JAKMIP3: variants seen among roughly 807,000 people sequenced by gnomAD.
JAKMIP3 encodes the protein Janus kinase and microtubule interacting protein 3.
A neutral mutation model predicts 118.5 loss-of-function variants in JAKMIP3; 58 were observed. The ratio of observed to expected loss-of-function variants is 0.49; its 90% confidence interval spans 0.40 to 0.61. The LOEUF (loss-of-function observed/expected upper bound fraction) is 0.61, where lower values mean the gene tolerates loss of function less well. Among genes scored for constraint, JAKMIP3 ranks in the 20% least tolerant of loss-of-function variants. JAKMIP3 has a pLI of 0.00. For synonymous variants in JAKMIP3, 486 were observed against 451.2 expected (o/e 1.08, Z -0.98); for missense variants, 950 against 1,109.0 (o/e 0.86, Z 2.04).
intron 3 of JAKMIP3, among the ~76,000 whole-genome samples, chr10:132,132,822 G>T (rs11146203): frequency 0.19 from 28,478 of 152,220 alleles, 2,818 homozygotes; most frequent in East Asian, 0.35. Flanking sequence ...GGTAGCACTG[G>T]CTTTCAGGCC....
At chr10:132,157,050 G>C (rs145489706) in intron 19 of JAKMIP3, among the ~76,000 whole-genome samples, 14 of 152,188 alleles carry the variant, frequency 9.2e-5, no homozygotes, top group African/African-American at 3.4e-4. Flanking sequence ...CTTTGCAAAA[G>C]CGCGGTCCCC....
At chr10:132,114,038 C>G (rs752058565) in intron 2 of JAKMIP3, among the ~76,000 whole-genome samples, 27 of 152,244 alleles carry the variant, frequency 1.8e-4, no homozygotes, top group Non-Finnish European at 2.2e-4. Context: ...CTCTGTGTCC[C>G]TTGCTTACTC....
chr10:132,142,055 G>T lies in JAKMIP3; in HGVS notation c.1602+7G>T, dbSNP rs758182124. On this transcript the variant is annotated splice_region_variant and intron_variant, in intron 11 of 23. Coordinates refer to ENST00000684848, the MANE Select transcript of JAKMIP3 (RefSeq NM_001323087.2). Reference sequence around the variant, plus strand: ...CGCAGAGCGAGAAGTTAAGGTCTACGTGACTTCCACCGCGCGTTCCGGCCC... The same window carrying T: ...CGCAGAGCGAGAAGTTAAGGTCTACTTGACTTCCACCGCGCGTTCCGGCCC... 2 of 1,534,072 alleles carry T rather than the reference G, an allele frequency of 1.3e-6. No individual in the cohort carries two copies. Among genetic ancestry groups the T allele is most frequent in the Non-Finnish European group, 1.7e-6 (2 of 1,144,872 alleles).
chr10:132,097,906 CCCTTCCCCTTCCCCTTT>C (rs1392728562), intron 1 of JAKMIP3, among the ~76,000 whole-genome samples: 2 of 71,044 alleles, frequency 2.8e-5, no homozygotes, highest in Admixed American at 1.4e-4. Context: ...CTTCCCCTTC[CCCTTCCCCTTCCCCTTT>C]CCTTCCCCTT....
chr10:132,163,408 A>G lies in JAKMIP3; in HGVS notation c.2420A>G (p.Gln807Arg). Residue 807 changes from glutamine to arginine, a missense_variant, in exon 20 of 24, where the codon CAG becomes CGG. By Grantham distance (43) the Gln-to-Arg change is conservative (BLOSUM62 1). Transcript: ENST00000684848. Reference sequence around the variant, plus strand: ...CGCATGGAGCTGCTGCAGCTGGCTCAGCAGGTGTGTGGCAGGCGGGGGCAG... The same window carrying G: ...CGCATGGAGCTGCTGCAGCTGGCTCGGCAGGTGTGTGGCAGGCGGGGGCAG... ...RERMELLQLA[Q>R]QRIKELEERI... 2 of 1,597,924 alleles carry G rather than the reference A, an allele frequency of 1.3e-6. No homozygotes were observed. Among genetic ancestry groups the G allele is most frequent in the Non-Finnish European group, 1.7e-6 (2 of 1,177,544 alleles).
chr10:132,083,150 C>T (rs1217915322), intron 1 of JAKMIP3, among the ~76,000 whole-genome samples: 2 of 152,214 alleles, frequency 1.3e-5, no homozygotes, highest in African/African-American at 4.8e-5. Context: ...TTCCCACCAG[C>T]AATGCAGAAG....
intron 19 of JAKMIP3, among the ~76,000 whole-genome samples, chr10:132,159,622 C>T (rs1374371738): frequency 3.0e-5 from 2 of 67,626 alleles, no homozygotes; most frequent in Non-Finnish European, 5.8e-5. Context: ...TGCTGGGGGT[C>T]CTCTTCCTTT....
chr10:132,144,148 A>C (rs2054130151), intron 11 of JAKMIP3: 1 of 149,900 alleles, frequency 6.7e-6, no homozygotes, highest in African/African-American at 2.5e-5. Context: ...CTGTGGCCCC[A>C]TGGTTCGGAG....
intron 1 of JAKMIP3, among the ~76,000 whole-genome samples, chr10:132,082,169 T>TG (rs10600838): frequency 2.0e-3 from 299 of 146,916 alleles, no homozygotes; most frequent in Non-Finnish European, 2.4e-3. Context: ...ATTGTTTGTT[T>TG]GGGGGGGGGG....
In JAKMIP3 at chr10:132,148,123, C is replaced by T. The variant is rs2055011391; in HGVS notation, c.1848+73C>T. On this transcript the variant is annotated intron_variant, in intron 14 of 23. Coordinates refer to ENST00000684848, the MANE Select transcript of JAKMIP3 (RefSeq NM_001323087.2). ...TCTAGTCCTCAGCCTTCCTAACCCA[C>T]ACAAAGCCCTGAACATGAACATGAA... The T allele has an allele frequency of 2.3e-5, 20 of 886,684 alleles. 1 individual carries two copies. Among genetic ancestry groups the T allele is most frequent in the South Asian group, 1.1e-4 (7 of 66,214 alleles). 54.9% of individuals were successfully genotyped at this position (886,684 alleles called of 1,614,324 possible).
At position 132,112,820 on chromosome 10, in the gene JAKMIP3, C is replaced by T. The variant is rs185495730; in HGVS notation, c.136-4257C>T. ...TGGTGGACGCATCTGACTCTCCAGCCGCCGCTTCTTGGTCAGCCTGCCTCT... is the reference window on the plus strand; with the variant it reads ...TGGTGGACGCATCTGACTCTCCAGCTGCCGCTTCTTGGTCAGCCTGCCTCT... On this transcript the variant is annotated intron_variant, in intron 2 of 23. Coordinates refer to ENST00000684848, the MANE Select transcript of JAKMIP3 (RefSeq NM_001323087.2). This position sits in a 1 kb window ranked among gnomAD's most constrained non-coding sequence, Gnocchi z 4.3. Among the ~76,000 whole-genome samples the T allele has an allele frequency of 7.9e-5, 12 of 152,308 alleles. No homozygotes were observed. The East Asian group carries it at 1.4e-3, about 17-fold the overall frequency.
intron 1 of JAKMIP3, among the ~76,000 whole-genome samples, chr10:132,078,542 A>G (rs549796991): frequency 1.3e-5 from 2 of 150,222 alleles, no homozygotes; most frequent in African/African-American, 4.9e-5. Flanking sequence ...TTTCTCCTCA[A>G]GTCAGCAGCC....
chr10:132,156,837 G>A (rs1448655090), intron 19 of JAKMIP3, among the ~76,000 whole-genome samples: 4 of 152,224 alleles, frequency 2.6e-5, no homozygotes, highest in African/African-American at 4.8e-5. Context: ...TGAGACAGGA[G>A]AGGGAAGAGA....
chr10:132,179,466 G>A lies in JAKMIP3; in HGVS notation c.*1104-2891G>A, dbSNP rs917285001. ...GAGCTCTTGGGATGAGGATTATCTG[G>A]GTTTCTCCCGCGGAACCCTTACTGT... On this transcript the variant is annotated intron_variant, in intron 23 of 23. Transcript: ENST00000684848. The surrounding 1 kb of genome is among the most constrained non-coding windows in gnomAD (Gnocchi z 4.3). Among the ~76,000 whole-genome samples, 17 of 152,092 alleles carry A rather than the reference G, an allele frequency of 1.1e-4. No homozygotes were observed. Among genetic ancestry groups the A allele is most frequent in the African/African-American group, 3.9e-4 (16 of 41,402 alleles).
At chr10:132,041,634 G>C (rs535013732) in intron 1 of JAKMIP3, among the ~76,000 whole-genome samples, 1 of 152,360 alleles carries the variant, frequency 6.6e-6, no homozygotes, top group East Asian at 1.9e-4. Context: ...GCATCATTGA[G>C]CACCACGGTC....
intron 21 of JAKMIP3, among the ~76,000 whole-genome samples, chr10:132,166,103 C>T (rs945497296): frequency 2.6e-5 from 4 of 152,160 alleles, no homozygotes; most frequent in African/African-American, 9.7e-5. Context: ...ATGGGAGGAT[C>T]GCTTGAGCCC....
intron 17 of JAKMIP3, among the ~76,000 whole-genome samples, chr10:132,153,271 G>A (rs914150069): frequency 4.6e-5 from 7 of 152,204 alleles, no homozygotes; most frequent in Non-Finnish European, 8.8e-5. Flanking sequence ...CCTCCCAAAG[G>A]CGGGAAGGTA....
In JAKMIP3 at chr10:132,180,626, C is replaced by CGCGT. The variant is rs1403856897; in HGVS notation, c.*1104-1730_*1104-1729insCGTG. Reference sequence around the variant, plus strand: ...GCGCGTGTGTGTGTGCGTGTGTGTGCGTGTGTGCGTGCGTGTGTGCGTGTG... The same window carrying CGCGT: ...GCGCGTGTGTGTGTGCGTGTGTGTGCGCGTGTGTGTGCGTGCGTGTGTGCGTGTG... On this transcript the variant is annotated intron_variant, in intron 23 of 23. Transcript: ENST00000684848. 2.2e-3 allele frequency among the ~76,000 whole-genome samples: 52 copies of CGCGT among 23,352 alleles called. 4 individuals are homozygous for CGCGT. Among genetic ancestry groups the CGCGT allele is most frequent in the Admixed American group, 2.6e-3 (5 of 1,888 alleles). The allele number at this position is 23,352 out of a possible 152,430, so 15.3% of individuals were successfully genotyped here.
rs563708143 is a variant in JAKMIP3, at chr10:132,112,046, C to A, written c.136-5031C>A. Among the ~76,000 whole-genome samples, 3 of 151,936 alleles carry A rather than the reference C, an allele frequency of 2.0e-5. No homozygotes were observed. In the South Asian group the frequency reaches 6.2e-4, roughly 32 times the overall value. On this transcript the variant is annotated intron_variant, in intron 2 of 23. Transcript: ENST00000684848. This position sits in a 1 kb window ranked among gnomAD's most constrained non-coding sequence, Gnocchi z 4.3. ...TGTTGGCAGGCGGGGGTAGAGCGTGCGGGTGGACGGTGCATGGGATGCTCC... is the reference window on the plus strand; with the variant it reads ...TGTTGGCAGGCGGGGGTAGAGCGTGAGGGTGGACGGTGCATGGGATGCTCC...
Sources: gnomAD v4.1 joint callset for allele counts (sites outside exome capture counted in the v4.1 genomes callset) on GRCh38, gnomAD v4.1.1 for gene constraint, Gnocchi (gnomAD v3.1) non-coding constraint, MANE v1.5 for transcripts, NCBI Gene and HGNC (gene_info 2026-07-23, HGNC 2026-07-21) for gene names.